Variants in PTPRM observed in about 807,000 individuals in gnomAD.
PTPRM encodes the protein protein tyrosine phosphatase receptor type M.
A neutral mutation model predicts 186.7 loss-of-function variants in PTPRM; 47 were observed. The observed-to-expected ratio is 0.25, with a 90% CI of 0.20 to 0.32. PTPRM has a LOEUF of 0.32. PTPRM is among the 10% of genes least tolerant of loss of function. The probability of loss-of-function intolerance (pLI) is 1.00; values close to 1 mark genes in which losing one functional copy is unlikely to be tolerated. For missense variants in PTPRM, 1,494 were observed against 1,865.0 expected (o/e 0.80, Z 3.66); for synonymous variants, 668 against 674.9 (o/e 0.99, Z 0.16).
intron 22 of PTPRM, among the ~76,000 whole-genome samples, chr18:8,342,195 G>T (rs564944609): frequency 1.3e-5 from 2 of 152,128 alleles, no homozygotes; most frequent in East Asian, 3.9e-4. Context: ...GGGCCCCTTG[G>T]GTGTGTCACT....
At chr18:7,975,471 G>A (rs2054867330) in intron 7 of PTPRM, among the ~76,000 whole-genome samples, 1 of 152,176 alleles carries the variant, frequency 6.6e-6, no homozygotes, top group Admixed American at 6.5e-5. Context: ...AAACTTAAGT[G>A]TATATTAAGA....
chr18:7,742,288 CAGAA>C (rs2040898804), intron 1 of PTPRM, among the ~76,000 whole-genome samples: 1 of 152,154 alleles, frequency 6.6e-6, no homozygotes, highest in Non-Finnish European at 1.5e-5. Flanking sequence ...TAGTCCAACA[CAGAA>C]TTTTGGATGA....
At chr18:8,306,144 A>G (rs1371743681) in intron 20 of PTPRM, among the ~76,000 whole-genome samples, 1 of 151,900 alleles carries the variant, frequency 6.6e-6, no homozygotes. Flanking sequence ...TGATCCGCCC[A>G]CCTCGGCCTC....
chr18:8,305,029 C>G (rs537066133), intron 20 of PTPRM, among the ~76,000 whole-genome samples: 1 of 152,264 alleles, frequency 6.6e-6, no homozygotes, highest in South Asian at 2.1e-4. Context: ...TACACCAATG[C>G]GTTTGATTAT....
chr18:8,026,519 A>G (rs997774870), intron 7 of PTPRM, among the ~76,000 whole-genome samples: 1 of 152,178 alleles, frequency 6.6e-6, no homozygotes, highest in Admixed American at 6.6e-5. Context: ...AGTATGTAGT[A>G]TATTATTTCA....
At chr18:8,350,644 C>T (rs2095529503) in intron 23 of PTPRM, among the ~76,000 whole-genome samples, 1 of 152,192 alleles carries the variant, frequency 6.6e-6, no homozygotes. Flanking sequence ...CCTGACACAC[C>T]ACTCATCTGT....
chr18:7,942,278 G>C (rs574988559), intron 5 of PTPRM, among the ~76,000 whole-genome samples: 1 of 139,236 alleles, frequency 7.2e-6, no homozygotes, highest in Non-Finnish European at 1.5e-5. Flanking sequence ...GCAAGACTCC[G>C]TCTCAAAAAA....
chr18:8,150,255 A>G (rs191783056), intron 14 of PTPRM, among the ~76,000 whole-genome samples: 292 of 152,262 alleles, frequency 1.9e-3, no homozygotes, highest in Non-Finnish European at 3.4e-3. Context: ...ACTTGGTTCC[A>G]TTCTCCTCGT....
chr18:7,619,065 G>A (rs914276710), intron 1 of PTPRM, among the ~76,000 whole-genome samples: 3 of 152,194 alleles, frequency 2.0e-5, no homozygotes, highest in Admixed American at 6.5e-5. Flanking sequence ...ATGGAACTGA[G>A]ATGGCAGGCT....
At chr18:7,812,366 C>A (rs1374106) in intron 2 of PTPRM, among the ~76,000 whole-genome samples, 1,596 of 152,300 alleles carry the variant, frequency 0.01, 33 homozygotes, top group African/African-American at 0.036. Flanking sequence ...TAAGCAGGAG[C>A]ATATTTTATA....
intron 1 of PTPRM, among the ~76,000 whole-genome samples, chr18:7,617,468 C>A (rs1454387162): frequency 1.1e-4 from 17 of 152,114 alleles, no homozygotes; most frequent in Admixed American, 1.1e-3. Context: ...AAGGCATAAC[C>A]TCCCCTTTTT....
chr18:7,917,323 G>A (rs937040039), intron 4 of PTPRM, among the ~76,000 whole-genome samples: 2 of 152,176 alleles, frequency 1.3e-5, no homozygotes, highest in Admixed American at 1.3e-4. Flanking sequence ...CACGAGGTCA[G>A]GAGATCGTGA....
intron 1 of PTPRM, among the ~76,000 whole-genome samples, chr18:7,647,489 G>T (rs962711437): frequency 6.6e-6 from 1 of 152,166 alleles, no homozygotes; most frequent in South Asian, 2.1e-4. Context: ...GTATTTCATG[G>T]GCAGTGAGAG....
At chr18:7,985,779 G>A (rs1484313420) in intron 7 of PTPRM, among the ~76,000 whole-genome samples, 1 of 151,822 alleles carries the variant, frequency 6.6e-6, no homozygotes. Flanking sequence ...ATTTTAAAAT[G>A]TACAATTCAG....
At chr18:8,283,961 G>T (rs1320834442) in intron 19 of PTPRM, among the ~76,000 whole-genome samples, 1 of 151,986 alleles carries the variant, frequency 6.6e-6, no homozygotes, top group African/African-American at 2.4e-5. Flanking sequence ...GTTATTTATT[G>T]TGATTTTACT....
chr18:8,238,426 C>T (rs1481664730), intron 14 of PTPRM, among the ~76,000 whole-genome samples: 5 of 151,670 alleles, frequency 3.3e-5, no homozygotes, highest in South Asian at 2.1e-4. Context: ...TCTGTTACAA[C>T]GTTTTTTGTC....
chr18:7,960,718 A>C (rs1052574981), intron 7 of PTPRM, among the ~76,000 whole-genome samples: 1 of 151,950 alleles, frequency 6.6e-6, no homozygotes. Context: ...TAATCACACC[A>C]CTGCACTCCA....
intron 2 of PTPRM, among the ~76,000 whole-genome samples, chr18:7,797,381 A>G (rs1598761389): frequency 2.6e-5 from 4 of 151,998 alleles, no homozygotes; most frequent in South Asian, 2.1e-4. Flanking sequence ...TTATTTCTCT[A>G]TTGCATTTGA....
chr18:7,614,342 G>T (rs1240971925), intron 1 of PTPRM, among the ~76,000 whole-genome samples: 1 of 152,158 alleles, frequency 6.6e-6, no homozygotes, highest in African/African-American at 2.4e-5. Context: ...TTCAGAAACT[G>T]AAAAAGATGC....
Sources: gnomAD v4.1 joint callset for allele counts (sites outside exome capture counted in the v4.1 genomes callset) on GRCh38, gnomAD v4.1.1 for gene constraint, MANE v1.5 for transcripts, NCBI Gene and HGNC (gene_info 2026-07-23, HGNC 2026-07-21) for gene names.